The following EYS variants were observed in gnomAD, a reference collection of about 807,000 sequenced individuals.
EYS encodes protein eyes shut homolog.
In EYS, 250 loss-of-function variants were observed where a neutral mutation model predicts 282.1. The observed-to-expected ratio is 0.89, with a 90% CI of 0.80 to 0.98. The LOEUF (loss-of-function observed/expected upper bound fraction) is 0.98. Ranked by LOEUF, EYS falls within the 50% of genes least tolerant of loss-of-function variation. The pLI is 0.00. For missense variants in EYS, 4,016 were observed against 3,709.0 expected, an observed-to-expected ratio of 1.08 and a Z score of -2.15; for synonymous variants, 1,355 against 1,282.9, an observed-to-expected ratio of 1.06 and a Z score of -1.20.
chr6:65,127,998 A>G (rs1775768497), intron 12 of EYS, among the ~76,000 whole-genome samples: 1 of 152,048 alleles, frequency 6.6e-6, no homozygotes, highest in Non-Finnish European at 1.5e-5. Flanking sequence ...TTACATGATG[A>G]AAGATCCCAA....
At chr6:64,553,219 C>T (rs1367986913) in intron 26 of EYS, among the ~76,000 whole-genome samples, 1 of 151,974 alleles carries the variant, frequency 6.6e-6, no homozygotes, top group Non-Finnish European at 1.5e-5. Context: ...CTCTTTTTGT[C>T]AACAAAATGT....
chr6:65,394,484 C>T (rs1480102385), intron 7 of EYS, among the ~76,000 whole-genome samples: 1 of 152,024 alleles, frequency 6.6e-6, no homozygotes, highest in East Asian at 1.9e-4. Flanking sequence ...GTGGACACTG[C>T]CACCTGTGTA....
chr6:64,797,182 C>A, intron 22 of EYS, among the ~76,000 whole-genome samples: 1 of 151,648 alleles, frequency 6.6e-6, no homozygotes, highest in African/African-American at 2.4e-5. Flanking sequence ...AAACAATTGA[C>A]CAAGAAAAGA....
chr6:64,938,143 C>T (rs1001472777), intron 15 of EYS, among the ~76,000 whole-genome samples: 9 of 151,424 alleles, frequency 5.9e-5, no homozygotes, highest in African/African-American at 1.2e-4. Flanking sequence ...TGGGGAGAGG[C>T]TATGGTAATG....
At chr6:65,674,748 T>C (rs1456831031) in intron 1 of EYS, among the ~76,000 whole-genome samples, 1 of 151,928 alleles carries the variant, frequency 6.6e-6, no homozygotes, top group Non-Finnish European at 1.5e-5. Context: ...CCTTCAATTG[T>C]AAACAAAAGA....
intron 12 of EYS, among the ~76,000 whole-genome samples, chr6:65,138,598 A>T (rs565506622): frequency 1.3e-3 from 196 of 152,162 alleles, no homozygotes; most frequent in African/African-American, 4.3e-3. Context: ...AGGATCCGAG[A>T]AATAACATAT....
intron 22 of EYS, among the ~76,000 whole-genome samples, chr6:64,673,883 A>T (rs1769555244): frequency 6.6e-6 from 1 of 152,096 alleles, no homozygotes; most frequent in South Asian, 2.1e-4. Flanking sequence ...CACTATTAGA[A>T]AAATTTATGT....
At chr6:63,864,081 G>T in intron 36 of EYS, 105 bp downstream of exon 36, 1 of 1,051,254 alleles carries the variant, frequency 9.5e-7, no homozygotes, top group Non-Finnish European at 1.3e-6. Flanking sequence ...AAGAAGATTT[G>T]ATGTATTTGA....
intron 5 of EYS, among the ~76,000 whole-genome samples, chr6:65,420,633 G>C (rs763152602): frequency 6.6e-6 from 1 of 151,804 alleles, no homozygotes; most frequent in Non-Finnish European, 1.5e-5. Flanking sequence ...TTTCCAGAAA[G>C]CTTTCAATTG....
intron 5 of EYS, among the ~76,000 whole-genome samples, chr6:65,424,871 G>C (rs1034707543): frequency 3.3e-5 from 5 of 151,900 alleles, no homozygotes; most frequent in Admixed American, 6.6e-5. Flanking sequence ...AACCTCAAGT[G>C]CATATGAACT....
chr6:64,820,124 C>T (rs575978428), intron 21 of EYS, among the ~76,000 whole-genome samples: 1 of 152,052 alleles, frequency 6.6e-6, no homozygotes, highest in South Asian at 2.1e-4. Context: ...ATTTGGAATA[C>T]TTTATAGCTA....
intron 31 of EYS, among the ~76,000 whole-genome samples, chr6:64,118,649 C>G (rs888355994): frequency 2.0e-5 from 3 of 151,966 alleles, no homozygotes; most frequent in Admixed American, 6.6e-5. Context: ...GAGAATAGCT[C>G]AAAAGCACAG....
intron 32 of EYS, among the ~76,000 whole-genome samples, chr6:64,078,013 T>G (rs928482653): frequency 6.6e-6 from 1 of 152,136 alleles, no homozygotes; most frequent in Admixed American, 6.6e-5. Flanking sequence ...AGGATTCAAG[T>G]TTTATCTTCC....
intron 31 of EYS, among the ~76,000 whole-genome samples, chr6:64,213,515 T>C (rs1338982937): frequency 6.6e-6 from 1 of 152,206 alleles, no homozygotes; most frequent in Non-Finnish European, 1.5e-5. Context: ...GTGTTATATT[T>C]GTCAATTAAT....
chr6:64,639,722 C>A lies in EYS; in HGVS notation c.3444-13477G>T, dbSNP rs906877597. Among the ~76,000 whole-genome samples the A allele has an allele frequency of 7.3e-4, 66 of 90,784 alleles. 13 individuals are homozygous for A. The East Asian group carries it at 0.014, about 19-fold the overall frequency. The allele number at this position is 90,784 out of a possible 152,430, so 59.6% of individuals were successfully genotyped here. A position where few individuals can be genotyped will look rare whatever the true frequency, so the allele number is the denominator to read the frequency against. On this transcript the variant is annotated intron_variant, in intron 22 of 42. Transcript: ENST00000503581. The stretch of plus-strand genomic sequence containing the variant: ...AAGACAAAATTGACAAATGGGATCT[C>A]ATTAAACTAAAGAGCTTCTGCACAG...
intron 5 of EYS, among the ~76,000 whole-genome samples, chr6:65,408,374 T>C (rs1349879884): frequency 6.6e-6 from 1 of 152,108 alleles, no homozygotes; most frequent in Non-Finnish European, 1.5e-5. Flanking sequence ...TTAGTGCCAG[T>C]TATCGAGGAT....
intron 12 of EYS, among the ~76,000 whole-genome samples, chr6:65,220,730 A>C (rs1330998605): frequency 6.6e-6 from 1 of 152,178 alleles, no homozygotes; most frequent in Admixed American, 6.5e-5. Context: ...AGGTTGGAAC[A>C]GTTTGGAGGG....
In EYS at chr6:63,726,599, G is replaced by GT; in HGVS notation, c.8152dup (p.Thr2718AsnfsTer29). The GT allele has an allele frequency of 6.4e-7, 1 of 1,551,172 alleles. No individual in the cohort carries two copies. The highest frequency in any genetic ancestry group is 8.7e-7 in the Non-Finnish European group (1 of 1,146,656). On this transcript the variant is annotated frameshift_variant, in exon 42 of 43. Coordinates refer to ENST00000503581, the MANE Select transcript of EYS (RefSeq NM_001142800.2). LOFTEE classifies it high-confidence loss of function. The stretch of plus-strand genomic sequence containing the variant: ...AGGCTGAAACTGCAATTGAATATGT[G>GT]TCTTTTTTCGAACATGAAAGGAAGC...
chr6:65,318,415 T>C (rs1382016759), intron 11 of EYS, among the ~76,000 whole-genome samples: 1 of 150,370 alleles, frequency 6.7e-6, no homozygotes, highest in Non-Finnish European at 1.5e-5. Context: ...TCAAACAGAC[T>C]AACCCTGGTA....
Sources: gnomAD v4.1 joint callset for allele counts (sites outside exome capture counted in the v4.1 genomes callset) on GRCh38, gnomAD v4.1.1 for gene constraint, MANE v1.5 for transcripts, NCBI Gene and HGNC (gene_info 2026-07-23, HGNC 2026-07-21) for gene names.